The following BORCS5 variants were observed in gnomAD, a reference collection of about 807,000 sequenced individuals.
BORCS5 encodes the protein BLOC-1-related complex subunit 5.
Under a neutral mutation model 22.1 loss-of-function variants are expected in BORCS5, and 17 were observed. That is an observed-to-expected ratio of 0.77 (90% CI 0.53 to 1.15). BORCS5 has a LOEUF of 1.15. BORCS5 is among the 50% of genes most tolerant of loss of function. BORCS5 has a pLI of 0.00. For synonymous variants in BORCS5, 117 were observed against 99.8 expected (o/e 1.17, Z -1.03); for missense variants, 247 against 253.2 (o/e 0.98, Z 0.17).
chr12:12,417,186 T>TA (rs34439519), intron 2 of BORCS5, among the ~76,000 whole-genome samples: 94,472 of 151,768 alleles, frequency 0.62, 30,614 homozygotes, highest in African/African-American at 0.79. Context: ...CACCTTTAGG[T>TA]TTTTTTCAGT....
chr12:12,461,179 T>C (rs200312022), intron 3 of BORCS5, among the ~76,000 whole-genome samples: 155 of 147,744 alleles, frequency 1.0e-3, no homozygotes, highest in South Asian at 2.3e-3. Context: ...TTTTTTTTTT[T>C]CCCCCTGGGA....
intron 2 of BORCS5, among the ~76,000 whole-genome samples, chr12:12,365,707 T>A (rs1051262918): frequency 4.6e-5 from 7 of 152,166 alleles, no homozygotes; most frequent in African/African-American, 1.4e-4. Flanking sequence ...GTGGAAATGA[T>A]AAGTTTAATT....
rs1338716188 is a variant in BORCS5 at position 12,470,010 on chromosome 12, G to A, written c.*4234G>A. 6.6e-6 allele frequency among the ~76,000 whole-genome samples: 1 copy of A among 152,184 alleles called. No homozygotes were observed. The highest frequency in any genetic ancestry group is 6.5e-5 in the Admixed American group (1 of 15,286). The stretch of plus-strand genomic sequence containing the variant: ...ACAGACTGGTACCCATCTGTGGCGT[G>A]TGAGGAAGTGTGCTGCACAGCAGGA... On this transcript the variant is annotated 3_prime_UTR_variant, in exon 4 of 4. Transcript: ENST00000314565.
chr12:12,431,635 C>T (rs1325539481), intron 2 of BORCS5, among the ~76,000 whole-genome samples: 5 of 151,940 alleles, frequency 3.3e-5, no homozygotes, highest in African/African-American at 7.3e-5. Context: ...CTCTTGACCT[C>T]GTGATCTGCC....
At chr12:12,456,200 G>T (rs1942995846) in intron 3 of BORCS5, among the ~76,000 whole-genome samples, 1 of 152,226 alleles carries the variant, frequency 6.6e-6, no homozygotes, top group Non-Finnish European at 1.5e-5. Context: ...TTGGGAGGCT[G>T]AGCGGGTGGA....
intron 2 of BORCS5, among the ~76,000 whole-genome samples, chr12:12,431,782 C>T (rs1383141392): frequency 6.6e-6 from 1 of 151,518 alleles, no homozygotes. Flanking sequence ...CAGCCTTTGC[C>T]TCCCGGGTTC....
At chr12:12,433,821 G>T (rs1942489467) in intron 2 of BORCS5, among the ~76,000 whole-genome samples, 1 of 152,168 alleles carries the variant, frequency 6.6e-6, no homozygotes, top group Non-Finnish European at 1.5e-5. Context: ...CTCTGTCTCA[G>T]AAGATCTGAG....
At chr12:12,403,170 C>T (rs1049887852) in intron 2 of BORCS5, among the ~76,000 whole-genome samples, 3 of 151,950 alleles carry the variant, frequency 2.0e-5, no homozygotes, top group Non-Finnish European at 2.9e-5. Context: ...TGCTGAGGCT[C>T]AGAGAGATGA....
intron 2 of BORCS5, among the ~76,000 whole-genome samples, chr12:12,370,957 G>A (rs1251312971): frequency 6.6e-6 from 1 of 152,078 alleles, no homozygotes; most frequent in Non-Finnish European, 1.5e-5. Context: ...CACTGTGTTA[G>A]CCAGGGTGGT....
At chr12:12,372,252 C>T (rs912319161) in intron 2 of BORCS5, among the ~76,000 whole-genome samples, 2 of 152,188 alleles carry the variant, frequency 1.3e-5, no homozygotes, top group African/African-American at 4.8e-5. Flanking sequence ...GTTGGCCAGG[C>T]TGGTCTTGAA....
Position 12,465,672 on chromosome 12 carries a change from A to G in BORCS5, c.487A>G (p.Ile163Val). 6.2e-7 allele frequency: 1 copy of G among 1,614,264 alleles called. No individual in the cohort carries two copies. Among genetic ancestry groups the G allele is most frequent in the Non-Finnish European group, 8.5e-7 (1 of 1,180,044 alleles). ...SAILRRIQMGIDQTVPLLDRL... is the reference protein window; with the variant it reads ...SAILRRIQMGVDQTVPLLDRL... ...CATCCTCCGCCGCATACAGATGGGC[A>G]TCGACCAGACTGTGCCCCTGCTGGA... The change falls in exon 4 of 4, where the codon ATC becomes GTC. Residue 163 changes from isoleucine to valine, a missense_variant. By Grantham distance (29) the Ile-to-Val change is conservative (BLOSUM62 3). Transcript: ENST00000314565.
rs746723502 is a variant in BORCS5, at chr12:12,452,055, C to T, written c.361-13491C>T. On this transcript the variant is annotated intron_variant, in intron 3 of 3. Transcript: ENST00000314565. Reference sequence around the variant, plus strand: ...TCCTCCTCTATTTTTGGTAAACTTACGTGACTTTCCCCCCTGGATTTTACC... The same window carrying T: ...TCCTCCTCTATTTTTGGTAAACTTATGTGACTTTCCCCCCTGGATTTTACC... 4.9e-5 allele frequency: 20 copies of T among 410,386 alleles called. No individual in the cohort carries two copies. The Middle Eastern group carries it at 2.7e-3, about 56-fold the overall frequency. The allele number at this position is 410,386 out of a possible 1,614,324, so 25.4% of individuals were successfully genotyped here. A position where few individuals can be genotyped will look rare whatever the true frequency, so the allele number is the denominator to read the frequency against.
intron 2 of BORCS5, among the ~76,000 whole-genome samples, chr12:12,363,974 C>A (rs1053075844): frequency 2.6e-5 from 4 of 151,990 alleles, no homozygotes; most frequent in African/African-American, 9.7e-5. Flanking sequence ...TTACTAGAGG[C>A]CTTACTGATA....
intron 2 of BORCS5, among the ~76,000 whole-genome samples, chr12:12,418,063 G>A (rs994235854): frequency 4.0e-4 from 59 of 148,206 alleles, no homozygotes; most frequent in African/African-American, 6.2e-4. Context: ...TCACTCTGTC[G>A]CCCAGGCTGG....
At position 12,470,939 on chromosome 12, in the gene BORCS5, T is replaced by C. The variant is rs550924049; in HGVS notation, c.*5163T>C. Among the ~76,000 whole-genome samples, 1 of 152,292 alleles carries C rather than the reference T, an allele frequency of 6.6e-6. No individual in the cohort carries two copies. Among genetic ancestry groups the C allele is most frequent in the South Asian group, 2.1e-4 (1 of 4,828 alleles). ...CTCAATTTTCTTCACCAATCAAGGC[T>C]CATTCCTTGAGGCATGAGTTATGCG... is the stretch of plus-strand genomic sequence containing the variant. On this transcript the variant is annotated 3_prime_UTR_variant, in exon 4 of 4. Transcript: ENST00000314565.
At chr12:12,436,805 A>C (rs1403367426) in intron 3 of BORCS5, among the ~76,000 whole-genome samples, 1 of 152,256 alleles carries the variant, frequency 6.6e-6, no homozygotes, top group Non-Finnish European at 1.5e-5. Context: ...CTTAGCTTTC[A>C]TAAAATGTTG....
intron 3 of BORCS5, among the ~76,000 whole-genome samples, chr12:12,438,152 T>TAA (rs1729748640): frequency 6.6e-6 from 1 of 151,922 alleles, no homozygotes; most frequent in African/African-American, 2.4e-5. Context: ...AAAAGTCCTT[T>TAA]AAGTTCAAGA....
At chr12:12,415,952 C>T (rs547091237) in intron 2 of BORCS5, among the ~76,000 whole-genome samples, 2 of 152,208 alleles carry the variant, frequency 1.3e-5, no homozygotes, top group South Asian at 4.2e-4. Flanking sequence ...ACTATCAGTT[C>T]CAGGGCTTTT....
At chr12:12,427,924 A>G (rs1485374540) in intron 2 of BORCS5, among the ~76,000 whole-genome samples, 1 of 152,138 alleles carries the variant, frequency 6.6e-6, no homozygotes, top group African/African-American at 2.4e-5. Context: ...ACCTCCTAAT[A>G]CCATTACACT....
Sources: allele counts gnomAD v4.1 joint callset (sites outside exome capture counted in the v4.1 genomes callset), GRCh38; gene constraint gnomAD v4.1.1; transcripts MANE v1.5; gene names NCBI Gene and HGNC (gene_info 2026-07-23, HGNC 2026-07-21).